Variants in PREX2 observed in about 807,000 individuals in gnomAD.
PREX2 encodes phosphatidylinositol-3,4,5-trisphosphate dependent Rac exchange factor 2.
A neutral mutation model predicts 203.2 loss-of-function variants in PREX2; 107 were observed. The observed-to-expected ratio is 0.53, with a 90% CI of 0.45 to 0.62. PREX2 has a LOEUF of 0.62. Among genes scored for constraint, PREX2 ranks in the 20% least tolerant of loss-of-function variants. PREX2 has a pLI of 0.00. For synonymous variants in PREX2, 672 were observed against 663.6 expected, an observed-to-expected ratio of 1.01 and a Z score of -0.19; for missense variants, 1,777 against 1,955.9, an observed-to-expected ratio of 0.91 and a Z score of 1.72.
At chr8:68,023,787 A>G (rs1448105809) in intron 4 of PREX2, among the ~76,000 whole-genome samples, 1 of 152,022 alleles carries the variant, frequency 6.6e-6, no homozygotes, top group Non-Finnish European at 1.5e-5. Flanking sequence ...TTCATTGCTA[A>G]TATATGGAAA....
intron 1 of PREX2, among the ~76,000 whole-genome samples, chr8:68,008,794 C>T (rs1191758932): frequency 1.3e-5 from 2 of 152,142 alleles, no homozygotes; most frequent in East Asian, 3.9e-4. Context: ...CCTGCACATG[C>T]TGTCTTGCCT....
chr8:68,125,213 C>T (rs1810863299), intron 30 of PREX2, among the ~76,000 whole-genome samples: 2 of 152,012 alleles, frequency 1.3e-5, no homozygotes, highest in South Asian at 2.1e-4. Flanking sequence ...TTATCCTATT[C>T]AACTTAAGTC....
chr8:67,952,152 C>T lies in PREX2; in HGVS notation c.-243C>T, dbSNP rs1392609991. 5.8e-6 allele frequency: 2 copies of T among 344,946 alleles called. No homozygotes were observed. Among genetic ancestry groups the T allele is most frequent in the Non-Finnish European group, 1.0e-5 (2 of 195,498 alleles). The allele number at this position is 344,946 out of a possible 1,614,324, so 21.4% of individuals were successfully genotyped here. On this transcript the variant is annotated 5_prime_UTR_variant, in exon 1 of 40. Coordinates refer to ENST00000288368, the MANE Select transcript of PREX2 (RefSeq NM_024870.4). ...GCGGGGCCGGGCGCGCAGGGCCTGG[C>T]CGGAGCCCCCACTCCCAGGAGTTTC...
intron 38 of PREX2, among the ~76,000 whole-genome samples, chr8:68,219,441 T>G (rs1045238626): frequency 2.6e-5 from 4 of 152,172 alleles, no homozygotes; most frequent in African/African-American, 4.8e-5. Context: ...AGTATAATTT[T>G]AAAACTCAAA....
At chr8:68,194,658 G>T (rs780382220) in intron 37 of PREX2, among the ~76,000 whole-genome samples, 1 of 151,750 alleles carries the variant, frequency 6.6e-6, no homozygotes, top group Non-Finnish European at 1.5e-5. Context: ...AAAATTAGCC[G>T]GGCATGGTGG....
In PREX2 at chr8:68,120,271, G is replaced by C. The variant is rs1006358066; in HGVS notation, c.3580G>C (p.Gly1194Arg). ...TGACCAAACCAAGTATCTCACTCCA[G>C]GCCGAGGATTGCAAGGTAAGCCTTG... ...AFDQTKYLTP[G>R]RGLQEFQQEM... The change falls in exon 29 of 40, where the codon GGC becomes CGC. Residue 1194 changes from glycine to arginine, a missense_variant. Physicochemically the swap from Gly to Arg is moderately radical, Grantham distance 125. Transcript: ENST00000288368. The C allele has an allele frequency of 1.2e-6, 2 of 1,613,316 alleles. No individual in the cohort carries two copies. The highest frequency in any genetic ancestry group is 2.7e-5 in the African/African-American group (2 of 74,860).
At chr8:68,204,844 G>A (rs1269466468) in intron 37 of PREX2, among the ~76,000 whole-genome samples, 1 of 151,518 alleles carries the variant, frequency 6.6e-6, no homozygotes, top group Non-Finnish European at 1.5e-5. Context: ...ACCACACCCG[G>A]CTAATTTTTT....
At chr8:68,193,316 A>G (rs1416536397) in intron 37 of PREX2, among the ~76,000 whole-genome samples, 2 of 152,194 alleles carry the variant, frequency 1.3e-5, no homozygotes, top group Non-Finnish European at 2.9e-5. Context: ...TCTTCTATTT[A>G]TTTATTTTTA....
chr8:68,017,385 C>T lies in PREX2; in HGVS notation c.142-461C>T, dbSNP rs1405463983. 1.3e-4 allele frequency among the ~76,000 whole-genome samples: 20 copies of T among 152,106 alleles called. 1 individual carries two copies. The highest frequency in any genetic ancestry group is 1.3e-3 in the Admixed American group (20 of 15,262). ...CAGGGATAGCTATCTATCTATCTAT[C>T]TATCATCTATTTTATCAATCACTCA... is the stretch of plus-strand genomic sequence containing the variant. On this transcript the variant is annotated intron_variant, in intron 1 of 39. Coordinates refer to ENST00000288368, the MANE Select transcript of PREX2 (RefSeq NM_024870.4).
intron 27 of PREX2, chr8:68,118,972 C>T (rs543744374): frequency 2.1e-6 from 1 of 478,180 alleles, no homozygotes; most frequent in East Asian, 5.1e-5. Context: ...TGGGGATGGG[C>T]AGGTGTGGAG....
intron 35 of PREX2, among the ~76,000 whole-genome samples, chr8:68,185,930 G>A (rs983219037): frequency 6.7e-6 from 1 of 148,316 alleles, no homozygotes; most frequent in Non-Finnish European, 1.5e-5. Flanking sequence ...AACCTCAGAA[G>A]CATAATAAAA....
At chr8:68,098,355 T>A (rs1459951640) in intron 22 of PREX2, among the ~76,000 whole-genome samples, 3 of 152,214 alleles carry the variant, frequency 2.0e-5, no homozygotes, top group African/African-American at 7.2e-5. Context: ...GAGGAAGTAA[T>A]ATAGACATCT....
intron 2 of PREX2, among the ~76,000 whole-genome samples, chr8:68,019,215 G>A (rs184112694): frequency 5.9e-5 from 9 of 152,340 alleles, no homozygotes; most frequent in African/African-American, 2.2e-4. Context: ...GTCCGTTCTG[G>A]TATGCCCTTC....
At chr8:68,025,693 G>C (rs760293061) in intron 4 of PREX2, among the ~76,000 whole-genome samples, 24 of 151,884 alleles carry the variant, frequency 1.6e-4, no homozygotes, top group Admixed American at 3.9e-4. Flanking sequence ...ACAATCTCCT[G>C]GGCTCAAGCG....
chr8:67,966,542 T>C (rs1448865174), intron 1 of PREX2, among the ~76,000 whole-genome samples: 5 of 152,086 alleles, frequency 3.3e-5, no homozygotes, highest in Non-Finnish European at 7.4e-5. Flanking sequence ...TGGGAGCATC[T>C]TTTAAGCTCA....
At chr8:68,149,068 C>T (rs552803080) in intron 34 of PREX2, among the ~76,000 whole-genome samples, 2 of 151,876 alleles carry the variant, frequency 1.3e-5, no homozygotes, top group Non-Finnish European at 1.5e-5. Flanking sequence ...TCTTTGCTAG[C>T]AAAAAAATAG....
intron 37 of PREX2, among the ~76,000 whole-genome samples, chr8:68,216,743 G>T (rs1409608185): frequency 2.0e-5 from 3 of 152,126 alleles, no homozygotes; most frequent in African/African-American, 4.8e-5. Context: ...GGATCACGAG[G>T]TCAGGAGATT....
Position 68,058,154 on chromosome 8 carries a change from A to G in PREX2, c.1238+2180A>G, listed in dbSNP as rs143251580. Among the ~76,000 whole-genome samples the G allele has an allele frequency of 2.6e-5, 4 of 152,310 alleles. No homozygotes were observed. In the East Asian group the frequency reaches 5.8e-4, roughly 22 times the overall value. ...TTTCCTCATTCCCTGAGTAGGCCCA[A>G]TGATAAAGCCACTCATTGGGTTCCT... On this transcript the variant is annotated intron_variant, in intron 10 of 39. Coordinates refer to ENST00000288368, the MANE Select transcript of PREX2 (RefSeq NM_024870.4).
At chr8:68,009,778 T>C (rs901560281) in intron 1 of PREX2, among the ~76,000 whole-genome samples, 1 of 152,196 alleles carries the variant, frequency 6.6e-6, no homozygotes, top group Non-Finnish European at 1.5e-5. Context: ...TATAAACTAG[T>C]CTTATGAATT....
Sources: allele counts gnomAD v4.1 joint callset (sites outside exome capture counted in the v4.1 genomes callset), GRCh38; gene constraint gnomAD v4.1.1; transcripts MANE v1.5; gene names NCBI Gene and HGNC (gene_info 2026-07-23, HGNC 2026-07-21).